The following GCSAML variants were observed in gnomAD, a reference collection of about 807,000 sequenced individuals.
GCSAML encodes the protein germinal center associated signaling and motility like, also known as germinal center-associated signaling and motility-like protein.
Under a neutral mutation model 13.0 loss-of-function variants are expected in GCSAML, and 9 were observed. The ratio of observed to expected loss-of-function variants is 0.69; its 90% CI spans 0.42 to 1.21. The LOEUF is 1.21. GCSAML is among the 50% of genes most tolerant of loss of function. The probability of loss-of-function intolerance (pLI) is 0.00; values close to 1 mark genes in which losing one functional copy is unlikely to be tolerated. For missense variants in GCSAML, 143 were observed against 153.4 expected, an observed-to-expected ratio of 0.93 and a Z score of 0.36; for synonymous variants, 37 against 52.9, an observed-to-expected ratio of 0.70 and a Z score of 1.31.
At chr1:247,568,157 A>G (rs1668459091) in intron 4 of GCSAML, among the ~76,000 whole-genome samples, 1 of 152,114 alleles carries the variant, frequency 6.6e-6, no homozygotes, top group Non-Finnish European at 1.5e-5. Flanking sequence ...TCCTTTTGCC[A>G]TGCAGAAGCC....
chr1:247,518,382 G>T (rs905280599), intron 1 of GCSAML: 2 of 152,356 alleles, frequency 1.3e-5, no homozygotes, highest in African/African-American at 4.8e-5. Flanking sequence ...ACTTGGCCTC[G>T]GCCCCTCGGG....
At chr1:247,550,624 A>C (rs534645392) in intron 1 of GCSAML, among the ~76,000 whole-genome samples, 2 of 151,512 alleles carry the variant, frequency 1.3e-5, no homozygotes, top group South Asian at 2.1e-4. Context: ...GCGACAGAGC[A>C]AGACTCTGTC....
intron 2 of GCSAML, chr1:247,531,665 T>G: frequency 6.2e-7 from 1 of 1,614,008 alleles, no homozygotes; most frequent in East Asian, 2.2e-5. Context: ...AGCGCAGGAG[T>G]GACTACGGTG....
At position 247,518,216 on chromosome 1, in the gene GCSAML, T is replaced by TA. The variant is rs1572285561; in HGVS notation, c.-262-8724_-262-8723insA. ...CGGGAGCTGCCATTCCGCCCTGACG[T>TA]CGCCGCGTACACGTACCTGGGGCGG... On this transcript the variant is annotated intron_variant, in intron 1 of 5. Transcript: ENST00000366489. Among the ~76,000 whole-genome samples the TA allele has an allele frequency of 3.9e-5, 6 of 152,300 alleles. No individual in the cohort carries two copies. The East Asian group carries it at 1.2e-3, about 29-fold the overall frequency.
chr1:247,519,023 G>A (rs1666324762), intron 1 of GCSAML, among the ~76,000 whole-genome samples: 1 of 152,054 alleles, frequency 6.6e-6, no homozygotes, highest in African/African-American at 2.4e-5. Flanking sequence ...TTGTGCCACT[G>A]CACTCCAGCC....
intron 1 of GCSAML, among the ~76,000 whole-genome samples, chr1:247,508,937 A>T (rs1439343021): frequency 3.3e-5 from 5 of 152,152 alleles, no homozygotes; most frequent in Non-Finnish European, 7.4e-5. Flanking sequence ...GGGTAGTGTG[A>T]TACCTCCAGC....
At position 247,531,694 on chromosome 1, in the gene GCSAML, T is replaced by C; in HGVS notation, c.-148+4640T>C. On this transcript the variant is annotated intron_variant, in intron 2 of 5. Transcript: ENST00000366489. ...TACGGTGTAGAACAGAGCTATGAACTTGCCCTGCTCATGGGAGGTGCTCTT... is the reference window on the plus strand; with the variant it reads ...TACGGTGTAGAACAGAGCTATGAACCTGCCCTGCTCATGGGAGGTGCTCTT... 3 of 1,614,166 alleles carry C rather than the reference T, an allele frequency of 1.9e-6. No individual in the cohort carries two copies. The highest frequency in any genetic ancestry group is 1.7e-6 in the Non-Finnish European group (2 of 1,180,028).
At chr1:247,542,861 A>G (rs1270445735) in intron 2 of GCSAML, among the ~76,000 whole-genome samples, 1 of 152,276 alleles carries the variant, frequency 6.6e-6, no homozygotes, top group African/African-American at 2.4e-5. Flanking sequence ...TAGGAAATAA[A>G]AAATAGAATT....
Position 247,574,695 on chromosome 1 carries a change from GA to G in GCSAML, c.*314del, listed in dbSNP as rs1306586583. The G allele has an allele frequency of 3.5e-6, 1 of 282,810 alleles. No homozygotes were observed. The highest frequency in any genetic ancestry group is 6.7e-6 in the Non-Finnish European group (1 of 150,274). 17.5% of individuals were successfully genotyped at this position (282,810 alleles called of 1,614,324 possible). ...ATGAAAATAAATTTCTAATCCCCCTGACTAACTGAATGGACCCTCTTCTAGG... is the reference window on the plus strand; with the variant it reads ...ATGAAAATAAATTTCTAATCCCCCTGCTAACTGAATGGACCCTCTTCTAGG... On this transcript the variant is annotated 3_prime_UTR_variant, in exon 5 of 5. Transcript: ENST00000366488.
chr1:247,548,908 G>A, upstream of GCSAML: 1 of 535,430 alleles, frequency 1.9e-6, no homozygotes, highest in Non-Finnish European at 3.2e-6. This position sits in a 1 kb window ranked among gnomAD's most constrained non-coding sequence, Gnocchi z 5.3. Context: ...TCATGTTTCA[G>A]CCTGATTTTT....
At chr1:247,512,803 C>T (rs536954470) in intron 1 of GCSAML, among the ~76,000 whole-genome samples, 33 of 152,142 alleles carry the variant, frequency 2.2e-4, no homozygotes, top group African/African-American at 4.8e-4. Context: ...GCTGGGGGTC[C>T]GCTCGAGATC....
intron 2 of GCSAML, among the ~76,000 whole-genome samples, chr1:247,540,494 AT>A (rs1667375500): frequency 6.6e-6 from 1 of 152,250 alleles, no homozygotes; most frequent in South Asian, 2.1e-4. Flanking sequence ...GTATTGAAGC[AT>A]TCTACATGCT....
chr1:247,566,096 T>C, intron 4 of GCSAML, 137 bp downstream of exon 4: 1 of 593,292 alleles, frequency 1.7e-6, no homozygotes, highest in Middle Eastern at 4.6e-4. Context: ...AATGTACTTT[T>C]AGAAATCATT....
intron 1 of GCSAML, among the ~76,000 whole-genome samples, chr1:247,509,491 C>CTTTA (rs1665940087): frequency 6.6e-6 from 1 of 151,052 alleles, no homozygotes; most frequent in Non-Finnish European, 1.5e-5. Flanking sequence ...TATGAATAGG[C>CTTTA]TTTCTTTCTC....
chr1:247,574,480 C>CT lies in GCSAML; in HGVS notation c.*101dup, dbSNP rs1668758473. 1 of 1,318,364 alleles carries CT rather than the reference C, an allele frequency of 7.6e-7. No homozygotes were observed. Among genetic ancestry groups the CT allele is most frequent in the Admixed American group, 2.2e-5 (1 of 46,148 alleles). The allele number at this position is 1,318,364 out of a possible 1,614,324, so 81.7% of individuals were successfully genotyped here. On this transcript the variant is annotated 3_prime_UTR_variant, in exon 5 of 5. Coordinates refer to ENST00000366488, the MANE Select transcript of GCSAML (RefSeq NM_145278.5). ...ACCCTGAGCAGTGCATGAAACATTCCTTTCTGGCTAAAGTTTAGAAATATT... is the reference window on the plus strand; with the variant it reads ...ACCCTGAGCAGTGCATGAAACATTCCTTTTCTGGCTAAAGTTTAGAAATATT...
At chr1:247,530,333 C>T (rs1216627520) in intron 2 of GCSAML, 12 of 152,136 alleles carry the variant, frequency 7.9e-5, no homozygotes, top group Admixed American at 7.9e-4. Flanking sequence ...TCTGGAAAGA[C>T]TAGCTGTTGT....
chr1:247,534,556 C>G (rs970691932), intron 2 of GCSAML, among the ~76,000 whole-genome samples: 1 of 152,182 alleles, frequency 6.6e-6, no homozygotes, highest in Admixed American at 6.5e-5. Context: ...AGAAACTGGA[C>G]AATTTCAGTG....
At chr1:247,541,218 A>G (rs1003557507) in intron 2 of GCSAML, among the ~76,000 whole-genome samples, 1 of 152,152 alleles carries the variant, frequency 6.6e-6, no homozygotes, top group Non-Finnish European at 1.5e-5. Context: ...TAAAACAACA[A>G]GGAAATGCCT....
intron 1 of GCSAML, among the ~76,000 whole-genome samples, chr1:247,508,333 T>C (rs1285232517): frequency 1.3e-5 from 2 of 152,200 alleles, no homozygotes; most frequent in African/African-American, 2.4e-5. Context: ...AGTGTCTATT[T>C]ATATCCTTTG....
Sources: gnomAD v4.1 joint callset for allele counts (sites outside exome capture counted in the v4.1 genomes callset) on GRCh38, gnomAD v4.1.1 for gene constraint, Gnocchi (gnomAD v3.1) non-coding constraint, MANE v1.5 for transcripts, NCBI Gene and HGNC (gene_info 2026-07-23, HGNC 2026-07-21) for gene names.